The following TRPM3 variants were observed in gnomAD, a reference collection of about 807,000 sequenced individuals.
The protein encoded by TRPM3 is transient receptor potential cation channel subfamily M member 3, also known as long transient receptor potential channel 3.
A neutral mutation model predicts 181.2 loss-of-function variants in TRPM3; 77 were observed. The ratio of observed to expected loss-of-function variants is 0.42; its 90% CI spans 0.35 to 0.51. The LOEUF is 0.51. TRPM3 is among the 20% of genes least tolerant of loss of function. The pLI, the probability that TRPM3 is intolerant of heterozygous loss-of-function variation, is 0.01. For missense variants in TRPM3, 1,759 were observed against 2,196.7 expected (o/e 0.80, Z 3.98); for synonymous variants, 745 against 796.4 (o/e 0.94, Z 1.09).
Position 71,075,852 on chromosome 9 carries a change from C to T in TRPM3, c.177+45326G>A, listed in dbSNP as rs571278166. 4.6e-5 allele frequency among the ~76,000 whole-genome samples: 7 copies of T among 152,272 alleles called. No homozygotes were observed. The East Asian group carries it at 5.8e-4, about 13-fold the overall frequency. On this transcript the variant is annotated intron_variant, in intron 1 of 25. Transcript: ENST00000677713. ...TTCTTAATTGTAATGTTCATGTCAA[C>T]GGAGTGCATTAAGAGTAAATATTAG...
At chr9:70,863,735 T>A (rs2095576849) in intron 2 of TRPM3, among the ~76,000 whole-genome samples, 1 of 152,176 alleles carries the variant, frequency 6.6e-6, no homozygotes, top group Non-Finnish European at 1.5e-5. Flanking sequence ...CCTTTATGAC[T>A]ATTAGTCATA....
At chr9:70,560,744 C>T (rs532041822) in intron 22 of TRPM3, among the ~76,000 whole-genome samples, 1 of 152,220 alleles carries the variant, frequency 6.6e-6, no homozygotes, top group African/African-American at 2.4e-5. Context: ...TCCCTATCAA[C>T]ATGAATAACT....
chr9:70,803,748 C>T (rs1395036448), intron 6 of TRPM3, among the ~76,000 whole-genome samples: 2 of 151,392 alleles, frequency 1.3e-5, no homozygotes, highest in African/African-American at 4.9e-5. Flanking sequence ...CCACGCCCGG[C>T]CGAGCTCCCC....
chr9:70,934,212 A>G (rs1331747605), intron 1 of TRPM3, among the ~76,000 whole-genome samples: 1 of 152,184 alleles, frequency 6.6e-6, no homozygotes, highest in African/African-American at 2.4e-5. Flanking sequence ...TTGCATTTTA[A>G]TATCTTCAGA....
At position 71,226,710 on chromosome 9, in the gene TRPM3, C is replaced by T. The variant is rs371385097; in HGVS notation, c.183+219943G>A. On this transcript the variant is annotated intron_variant, in intron 1 of 24. Transcript: ENST00000357533. ...TATATACACATTATATATATGCATC[C>T]AACAATGGAGCACCCAGATATTTAG... Among the ~76,000 whole-genome samples the T allele has an allele frequency of 5.9e-5, 9 of 151,540 alleles. No individual in the cohort carries two copies. In the South Asian group the frequency reaches 1.3e-3, roughly 21 times the overall value.
At chr9:70,831,266 T>C (rs192491150) in intron 5 of TRPM3, among the ~76,000 whole-genome samples, 15 of 152,308 alleles carry the variant, frequency 9.8e-5, no homozygotes, top group African/African-American at 3.4e-4. Context: ...GATCTTCCCG[T>C]TATGCTTTCC....
At chr9:70,609,496 A>G (rs1589269476) in intron 19 of TRPM3, among the ~76,000 whole-genome samples, 1 of 152,348 alleles carries the variant, frequency 6.6e-6, no homozygotes, top group East Asian at 1.9e-4. Context: ...TGGCAATTTT[A>G]TCCCACAAGG....
At chr9:71,156,582 G>A (rs936156868) in intron 1 of TRPM3, among the ~76,000 whole-genome samples, 13 of 151,888 alleles carry the variant, frequency 8.6e-5, no homozygotes, top group African/African-American at 1.9e-4. Flanking sequence ...AAATGAGAAC[G>A]ACTGATTGTG....
chr9:71,222,928 A>C (rs761459175), intron 1 of TRPM3, among the ~76,000 whole-genome samples: 1 of 152,156 alleles, frequency 6.6e-6, no homozygotes, highest in Non-Finnish European at 1.5e-5. Flanking sequence ...CCATGGGATA[A>C]AGTGCTCTGG....
chr9:71,251,765 C>T (rs968537655), intron 1 of TRPM3, among the ~76,000 whole-genome samples: 72 of 152,240 alleles, frequency 4.7e-4, no homozygotes, highest in African/African-American at 1.7e-3. Flanking sequence ...AATTATTTGG[C>T]TATAATCACC....
chr9:70,944,760 G>C (rs17473012), intron 1 of TRPM3, among the ~76,000 whole-genome samples: 9,781 of 151,944 alleles, frequency 0.064, 361 homozygotes, highest in South Asian at 0.082. Flanking sequence ...TGGCCAGAAG[G>C]ACAACATTTA....
chr9:70,868,754 C>T (rs1377845834), intron 1 of TRPM3, among the ~76,000 whole-genome samples: 3 of 152,026 alleles, frequency 2.0e-5, no homozygotes, highest in East Asian at 1.9e-4. Context: ...TTTATAGGAA[C>T]AAATTACAAG....
intron 1 of TRPM3, among the ~76,000 whole-genome samples, chr9:71,025,567 C>T (rs2097888296): frequency 6.6e-6 from 1 of 152,160 alleles, no homozygotes; most frequent in Non-Finnish European, 1.5e-5. Flanking sequence ...TTAATAAAGA[C>T]AAGCATTGAT....
intron 1 of TRPM3, among the ~76,000 whole-genome samples, chr9:71,265,451 C>A (rs2083323868): frequency 6.6e-6 from 1 of 152,158 alleles, no homozygotes; most frequent in South Asian, 2.1e-4. Context: ...AAAATGGTGA[C>A]ACATATTGGC....
At chr9:71,346,750 GA>G (rs1468181192) in intron 1 of TRPM3, among the ~76,000 whole-genome samples, 4 of 152,206 alleles carry the variant, frequency 2.6e-5, no homozygotes, top group Non-Finnish European at 4.4e-5. Context: ...GAAAAGCAAA[GA>G]GAGACAACCA....
intron 8 of TRPM3, among the ~76,000 whole-genome samples, chr9:70,747,877 G>A (rs1169115108): frequency 6.6e-6 from 1 of 152,056 alleles, no homozygotes; most frequent in Non-Finnish European, 1.5e-5. Context: ...ATGAGTGAGA[G>A]TGGAACTTGG....
intron 1 of TRPM3, among the ~76,000 whole-genome samples, chr9:71,360,722 G>A (rs2092106222): frequency 1.3e-5 from 2 of 152,126 alleles, no homozygotes; most frequent in African/African-American, 4.8e-5. Flanking sequence ...CAGTCAATTT[G>A]TAGTTATCTG....
At chr9:70,564,838 T>C (rs1404867544) in intron 22 of TRPM3, among the ~76,000 whole-genome samples, 2 of 152,204 alleles carry the variant, frequency 1.3e-5, no homozygotes, top group African/African-American at 4.8e-5. Context: ...CAGGAATGCG[T>C]ATATAAGCAA....
At chr9:70,565,456 A>G (rs946619549) in intron 22 of TRPM3, among the ~76,000 whole-genome samples, 3 of 151,850 alleles carry the variant, frequency 2.0e-5, no homozygotes, top group African/African-American at 4.8e-5. Context: ...ACCATGCCCA[A>G]CTGATTTTGT....
Sources: allele counts gnomAD v4.1 joint callset (sites outside exome capture counted in the v4.1 genomes callset), GRCh38; gene constraint gnomAD v4.1.1; transcripts MANE v1.5; gene names NCBI Gene and HGNC (gene_info 2026-07-23, HGNC 2026-07-21).